Variants in RYK observed in about 807,000 individuals in gnomAD.
RYK encodes the protein inactive tyrosine-protein kinase RYK.
A neutral mutation model predicts 70.2 loss-of-function variants in RYK; 21 were observed. That is an observed-to-expected ratio of 0.30 (90% CI 0.21 to 0.43). The LOEUF (loss-of-function observed/expected upper bound fraction) is 0.43. RYK is among the 20% of genes least tolerant of loss of function. The pLI is 1.00. For missense variants in RYK, 604 were observed against 753.3 expected (o/e 0.80, Z 2.32); for synonymous variants, 267 against 278.0 (o/e 0.96, Z 0.39).
chr3:134,204,139 C>T (rs1420754835), intron 5 of RYK, among the ~76,000 whole-genome samples: 1 of 151,996 alleles, frequency 6.6e-6, no homozygotes, highest in Admixed American at 6.6e-5. Context: ...AATTGTTTTG[C>T]TTTTCTGTTT....
At chr3:134,192,778 G>C (rs1029204022) in intron 7 of RYK, among the ~76,000 whole-genome samples, 1 of 152,150 alleles carries the variant, frequency 6.6e-6, no homozygotes, top group Non-Finnish European at 1.5e-5. Context: ...TGGTTGCCAG[G>C]AGAACCACAT....
intron 11 of RYK, 99 bp from the exon 12 acceptor site, chr3:134,176,138 C>T (rs1007440727): frequency 5.5e-6 from 4 of 732,030 alleles, no homozygotes; most frequent in Non-Finnish European, 9.5e-6. Context: ...TCCAAAAATA[C>T]TGCTTTAAAC....
intron 1 of RYK, among the ~76,000 whole-genome samples, chr3:134,241,767 T>C (rs963386442): frequency 6.6e-6 from 1 of 152,136 alleles, no homozygotes; most frequent in Non-Finnish European, 1.5e-5. Flanking sequence ...GCCCCACACA[T>C]CTCTGTGACC....
chr3:134,195,641 G>A (rs1181245200), intron 6 of RYK, among the ~76,000 whole-genome samples: 1 of 152,176 alleles, frequency 6.6e-6, no homozygotes, highest in East Asian at 1.9e-4. Context: ...GTGCCAACAT[G>A]CTCGGAGCTT....
chr3:134,178,008 T>G lies in RYK; in HGVS notation c.1238A>C (p.Tyr413Ser). The G allele has an allele frequency of 1.9e-6, 3 of 1,610,230 alleles. No homozygotes were observed. The highest frequency in any genetic ancestry group is 2.5e-6 in the Non-Finnish European group (3 of 1,176,678). ...CAATTTAAGATTCCCCCAATTCATG[T>G]AAGGCAATATCACCATGGGCTTTTC... ...EGEKPMVILP[Y>S]MNWGNLKLFL... Residue 413 changes from tyrosine (Y) to serine (S), a missense_variant, in exon 11 of 15, where the codon TAC (tyrosine) becomes TCC (serine). Physicochemically the swap from Tyr to Ser is moderately radical, Grantham distance 144. This residue lies in a region of RYK where 466 missense variants were observed against 535.9 expected (regional missense o/e 0.87). Coordinates refer to ENST00000623711, the MANE Select transcript of RYK (RefSeq NM_002958.4).
intron 1 of RYK, among the ~76,000 whole-genome samples, chr3:134,239,018 G>A (rs1207669611): frequency 3.3e-5 from 5 of 152,150 alleles, no homozygotes; most frequent in Admixed American, 6.5e-5. Flanking sequence ...AGGTAGCCTC[G>A]GTGCAGTAGG....
At chr3:134,172,753 TAG>T (rs1391157186) in intron 13 of RYK, among the ~76,000 whole-genome samples, 7 of 152,218 alleles carry the variant, frequency 4.6e-5, no homozygotes, top group Non-Finnish European at 8.8e-5. Context: ...ACATTAATGC[TAG>T]AGAGAGATTT....
intron 2 of RYK, among the ~76,000 whole-genome samples, chr3:134,220,148 C>CA (rs1331392097): frequency 3.3e-5 from 5 of 152,058 alleles, no homozygotes; most frequent in Admixed American, 3.3e-4. Flanking sequence ...AACTGAGGGG[C>CA]ATTCTACAAA....
chr3:134,217,167 C>T (rs1414959835), intron 2 of RYK, among the ~76,000 whole-genome samples: 1 of 152,158 alleles, frequency 6.6e-6, no homozygotes, highest in Non-Finnish European at 1.5e-5. Flanking sequence ...AAAGTATCTA[C>T]GATGTTGAAC....
chr3:134,201,672 G>A (rs2014026567), intron 6 of RYK, among the ~76,000 whole-genome samples: 1 of 152,178 alleles, frequency 6.6e-6, no homozygotes, highest in Admixed American at 6.5e-5. Flanking sequence ...GTGGGAAGAA[G>A]AAAGCATGAA....
chr3:134,173,977 A>T (rs539296024), intron 13 of RYK, among the ~76,000 whole-genome samples: 2 of 152,346 alleles, frequency 1.3e-5, no homozygotes, highest in African/African-American at 4.8e-5. Flanking sequence ...TAATTACCTT[A>T]CATGACAAAA....
At chr3:134,197,919 G>A (rs1034005561) in intron 6 of RYK, among the ~76,000 whole-genome samples, 1 of 152,194 alleles carries the variant, frequency 6.6e-6, no homozygotes, top group Non-Finnish European at 1.5e-5. Flanking sequence ...AGGCGTTACA[G>A]GGACATCTAT....
intron 10 of RYK, chr3:134,179,905 A>T (rs2013234665): frequency 6.6e-6 from 1 of 152,232 alleles, no homozygotes; most frequent in African/African-American, 2.4e-5. Flanking sequence ...CAGGATTAAA[A>T]ATCCACTGGT....
chr3:134,201,679 T>C (rs969213177), intron 6 of RYK, among the ~76,000 whole-genome samples: 3 of 152,076 alleles, frequency 2.0e-5, no homozygotes, highest in Non-Finnish European at 1.5e-5. Flanking sequence ...GAAGAAAGCA[T>C]GAACAAAAGT....
intron 2 of RYK, among the ~76,000 whole-genome samples, chr3:134,217,976 A>G (rs1239403349): frequency 2.6e-5 from 4 of 152,306 alleles, no homozygotes; most frequent in Non-Finnish European, 4.4e-5. Flanking sequence ...TAACACAGAC[A>G]TATTTCCTTA....
chr3:134,160,726 A>G (rs1282021399), intron 13 of RYK, among the ~76,000 whole-genome samples: 1 of 152,184 alleles, frequency 6.6e-6, no homozygotes, highest in Non-Finnish European at 1.5e-5. Flanking sequence ...ATGGTGGCGC[A>G]TGCCTGTAAT....
intron 6 of RYK, among the ~76,000 whole-genome samples, chr3:134,195,596 G>T (rs2013784778): frequency 1.3e-5 from 2 of 152,164 alleles, no homozygotes; most frequent in South Asian, 4.2e-4. Context: ...ATATCAAATG[G>T]CCTACAGATA....
intron 1 of RYK, among the ~76,000 whole-genome samples, chr3:134,241,114 C>G (rs541432032): frequency 6.8e-6 from 1 of 146,914 alleles, no homozygotes; most frequent in African/African-American, 2.5e-5. Context: ...GGAGGGAAAT[C>G]ACTTGAAGTC....
chr3:134,175,509 A>G, intron 13 of RYK, 100 bp downstream of exon 13: 2 of 1,384,296 alleles, frequency 1.4e-6, no homozygotes, highest in Non-Finnish European at 2.0e-6. Flanking sequence ...GGGAACAGCT[A>G]GCAGATTTTT....
Sources: allele counts gnomAD v4.1 joint callset (sites outside exome capture counted in the v4.1 genomes callset), GRCh38; gene constraint gnomAD v4.1.1; regional missense constraint gnomAD v4.1.1; transcripts MANE v1.5; gene names NCBI Gene and HGNC (gene_info 2026-07-23, HGNC 2026-07-21).